Variants in UNC5D observed in about 807,000 individuals in gnomAD.
UNC5D encodes unc-5 netrin receptor D, also known as netrin receptor UNC5D.
A neutral mutation model predicts 105.4 loss-of-function variants in UNC5D; 39 were observed. The observed-to-expected ratio is 0.37, with a 90% CI of 0.29 to 0.48. The LOEUF is 0.48. Among genes scored for constraint, UNC5D ranks in the 20% least tolerant of loss-of-function variants. The pLI is 0.98. For missense variants in UNC5D, 991 were observed against 1,202.4 expected (o/e 0.82, Z 2.60); for synonymous variants, 452 against 450.4 (o/e 1.00, Z -0.04).
At chr8:35,638,268 G>A (rs1484627749) in intron 4 of UNC5D, among the ~76,000 whole-genome samples, 10 of 151,980 alleles carry the variant, frequency 6.6e-5, no homozygotes, top group Non-Finnish European at 1.5e-4. Context: ...GAAGGTAATC[G>A]GAATCAACTA....
intron 1 of UNC5D, among the ~76,000 whole-genome samples, chr8:35,286,353 G>C (rs1806597339): frequency 6.6e-6 from 1 of 152,138 alleles, no homozygotes; most frequent in African/African-American, 2.4e-5. Context: ...AGAGAAACTA[G>C]CCAACAGTGT....
chr8:35,287,010 C>A (rs1806648302), intron 1 of UNC5D, among the ~76,000 whole-genome samples: 1 of 152,152 alleles, frequency 6.6e-6, no homozygotes, highest in Admixed American at 6.5e-5. Context: ...CAGAGCACAG[C>A]CAGAAATACT....
intron 7 of UNC5D, among the ~76,000 whole-genome samples, chr8:35,690,082 C>T (rs920404424): frequency 3.3e-5 from 5 of 152,142 alleles, no homozygotes; most frequent in African/African-American, 1.2e-4. Flanking sequence ...TTAATTTCTT[C>T]CATTTCCTTT....
chr8:35,556,483 A>G (rs1278641148), intron 2 of UNC5D, among the ~76,000 whole-genome samples: 1 of 152,134 alleles, frequency 6.6e-6, no homozygotes, highest in Non-Finnish European at 1.5e-5. Context: ...GAAAGAATTC[A>G]GGGAAAGTCC....
intron 1 of UNC5D, among the ~76,000 whole-genome samples, chr8:35,502,593 C>G (rs1363861179): frequency 6.6e-6 from 1 of 152,104 alleles, no homozygotes; most frequent in African/African-American, 2.4e-5. Flanking sequence ...GAATCTTGCT[C>G]TGTTGCCCAG....
chr8:35,556,753 A>C (rs1816576246), intron 2 of UNC5D, among the ~76,000 whole-genome samples: 1 of 152,202 alleles, frequency 6.6e-6, no homozygotes, highest in African/African-American at 2.4e-5. Context: ...ATATCAGGAT[A>C]TCTGGAGACT....
intron 7 of UNC5D, among the ~76,000 whole-genome samples, chr8:35,691,755 C>T (rs896681030): frequency 1.1e-4 from 16 of 152,230 alleles, no homozygotes; most frequent in African/African-American, 2.9e-4. Context: ...TACATACCTG[C>T]GTTTGTGCTC....
chr8:35,633,659 G>C (rs1398950956), intron 4 of UNC5D, among the ~76,000 whole-genome samples: 1 of 152,136 alleles, frequency 6.6e-6, no homozygotes, highest in African/African-American at 2.4e-5. Context: ...GGAGGCTGAG[G>C]CAAGAGGATT....
chr8:35,612,983 G>A (rs1416795592), intron 4 of UNC5D, among the ~76,000 whole-genome samples: 1 of 152,046 alleles, frequency 6.6e-6, no homozygotes, highest in Non-Finnish European at 1.5e-5. Context: ...AATGCTGTGG[G>A]TTTGTGGAAA....
chr8:35,701,749 G>C (rs1827217562), intron 7 of UNC5D, among the ~76,000 whole-genome samples: 1 of 151,828 alleles, frequency 6.6e-6, no homozygotes, highest in East Asian at 1.9e-4. Context: ...CATTTTTATA[G>C]GTAAAAATGA....
In UNC5D at chr8:35,393,135, T is replaced by A. The variant is rs1470567586; in HGVS notation, c.104-156157T>A. Reference sequence around the variant, plus strand: ...AAATACCTATTCCTACTTTTTTTTTTTTTTTTTTTTTTTTTTTGAGACGGA... The same window carrying A: ...AAATACCTATTCCTACTTTTTTTTTATTTTTTTTTTTTTTTTTGAGACGGA... On this transcript the variant is annotated intron_variant, in intron 1 of 16. Coordinates refer to ENST00000404895, the MANE Select transcript of UNC5D (RefSeq NM_080872.4). Among the ~76,000 whole-genome samples, 5 of 132,662 alleles carry A rather than the reference T, an allele frequency of 3.8e-5. No individual in the cohort carries two copies. The East Asian group carries it at 1.0e-3, about 28-fold the overall frequency. 87.0% of individuals were successfully genotyped at this position (132,662 alleles called of 152,430 possible).
chr8:35,563,078 G>A lies in UNC5D; in HGVS notation c.323-5020G>A, dbSNP rs180790916. ...TACTATCCTTTCGTCAGAGTTCTTG[G>A]TGCCATTCAGAGTTTTTTATGGGTC... On this transcript the variant is annotated intron_variant, in intron 2 of 16. Transcript: ENST00000404895. Among the ~76,000 whole-genome samples, 844 of 151,812 alleles carry A rather than the reference G, an allele frequency of 5.6e-3. 3 individuals are homozygous for A. Among genetic ancestry groups the A allele is most frequent in the Admixed American group, 0.011 (161 of 15,222 alleles).
chr8:35,638,566 G>A (rs1271971079), intron 4 of UNC5D, among the ~76,000 whole-genome samples: 1 of 152,010 alleles, frequency 6.6e-6, no homozygotes, highest in South Asian at 2.1e-4. Flanking sequence ...AGGCCAGGGA[G>A]GGAGGAATGC....
chr8:35,268,214 C>G (rs993608866), intron 1 of UNC5D, among the ~76,000 whole-genome samples: 7 of 152,034 alleles, frequency 4.6e-5, no homozygotes, highest in African/African-American at 1.7e-4. Flanking sequence ...ATATAAATTT[C>G]AGTATCTTCT....
intron 8 of UNC5D, among the ~76,000 whole-genome samples, chr8:35,706,630 T>C (rs1827594391): frequency 6.6e-6 from 1 of 152,082 alleles, no homozygotes; most frequent in African/African-American, 2.4e-5. Context: ...CTATTGGAAT[T>C]TAAGGTGGAG....
At chr8:35,622,638 G>A (rs948054234) in intron 4 of UNC5D, among the ~76,000 whole-genome samples, 3 of 152,158 alleles carry the variant, frequency 2.0e-5, no homozygotes, top group Admixed American at 2.0e-4. Context: ...CACATTAAAT[G>A]TTTGTTGTTA....
At chr8:35,363,668 G>C (rs1585672212) in intron 1 of UNC5D, among the ~76,000 whole-genome samples, 1 of 151,994 alleles carries the variant, frequency 6.6e-6, no homozygotes, top group Non-Finnish European at 1.5e-5. Context: ...AAGTCATTTG[G>C]TTAACATGTT....
Position 35,792,765 on chromosome 8 carries a change from C to T in UNC5D, c.*2202C>T, listed in dbSNP as rs1803099355. ...GTTTTAAACTGTCTTTAGCATTTTC[C>T]CTCTTCCCTTCTAATGGGCATTATA... On this transcript the variant is annotated 3_prime_UTR_variant, in exon 17 of 17. Transcript: ENST00000404895. The T allele has an allele frequency of 3.5e-6, 1 of 285,764 alleles. No individual in the cohort carries two copies. Among genetic ancestry groups the T allele is most frequent in the African/African-American group, 2.3e-5 (1 of 43,542 alleles). The allele number at this position is 285,764 out of a possible 1,614,324, so 17.7% of individuals were successfully genotyped here. A position where few individuals can be genotyped will look rare whatever the true frequency, so the allele number is the denominator to read the frequency against.
intron 1 of UNC5D, among the ~76,000 whole-genome samples, chr8:35,480,320 A>T (rs183850024): frequency 7.2e-5 from 11 of 152,332 alleles, no homozygotes; most frequent in Non-Finnish European, 1.5e-4. Flanking sequence ...AACTTAAATT[A>T]TAAACTAAAC....
Sources: gnomAD v4.1 joint callset for allele counts (sites outside exome capture counted in the v4.1 genomes callset) on GRCh38, gnomAD v4.1.1 for gene constraint, MANE v1.5 for transcripts, NCBI Gene and HGNC (gene_info 2026-07-23, HGNC 2026-07-21) for gene names.